The following RAD52 variants were observed in gnomAD, a reference collection of about 807,000 sequenced individuals.
RAD52 encodes DNA repair protein RAD52 homolog.
Under a neutral mutation model 55.5 loss-of-function variants are expected in RAD52, and 47 were observed. The ratio of observed to expected loss-of-function variants is 0.85; its 90% CI spans 0.67 to 1.08. RAD52 has a LOEUF of 1.08. Ranked by LOEUF, RAD52 falls within the 50% of genes least tolerant of loss-of-function variation. RAD52 has a pLI of 0.00. For synonymous variants in RAD52, 184 were observed against 198.9 expected (o/e 0.92, Z 0.63); for missense variants, 468 against 522.8 (o/e 0.90, Z 1.02).
intron 1 of RAD52, among the ~76,000 whole-genome samples, chr12:940,666 G>C (rs1280834301): frequency 1.3e-5 from 2 of 152,042 alleles, no homozygotes; most frequent in Non-Finnish European, 2.9e-5. Context: ...TGAAAACTGT[G>C]CTGTGAAAGA....
intron 1 of RAD52, among the ~76,000 whole-genome samples, chr12:945,213 T>C (rs1958145866): frequency 6.6e-6 from 1 of 151,842 alleles, no homozygotes; most frequent in East Asian, 2.0e-4. Context: ...TAGCTGGGCA[T>C]GGTGGCAGGT....
At chr12:988,425 TC>T (rs1432230342) in intron 1 of RAD52, among the ~76,000 whole-genome samples, 8 of 152,316 alleles carry the variant, frequency 5.3e-5, no homozygotes, top group African/African-American at 1.7e-4. Flanking sequence ...CACTTAGTTG[TC>T]TGTTCATACG....
At position 927,322 on chromosome 12, in the gene RAD52, C is replaced by T; in HGVS notation, c.349-59G>A. ...GAGAGCGGCAGGCGTGCCACAACTC[C>T]CCTGTTCCTCAAGCAGCAGGGTTCA... On this transcript the variant is annotated intron_variant, in intron 5 of 11. Transcript: ENST00000358495. The T allele has an allele frequency of 2.4e-6, 3 of 1,238,544 alleles. No individual in the cohort carries two copies. The South Asian group carries it at 3.6e-5, about 15-fold the overall frequency. The allele number at this position is 1,238,544 out of a possible 1,614,324, so 76.7% of individuals were successfully genotyped here.
intron 5 of RAD52, 96 bp from the exon 6 acceptor site, chr12:927,359 T>C: frequency 1.1e-6 from 1 of 915,660 alleles, no homozygotes; most frequent in Non-Finnish European, 1.8e-6. Context: ...AGCCGGACTC[T>C]CCCACCTGGC....
At position 916,772 on chromosome 12, in the gene RAD52, G is replaced by A; in HGVS notation, c.592C>T (p.Pro198Ser). Residue 198 changes from proline to serine, a missense_variant, in exon 8 of 12, where the codon CCG (proline) becomes TCG (serine). Transcript: ENST00000358495. ...TTGTATCTTGCCTCCTCCACAGACG[G>A]TTCAAGATCTTGTCTCTTCGCTTTA... ...LTKAKRQDLE[P>S]SVEEARYNSC... The A allele has an allele frequency of 1.9e-6, 3 of 1,613,862 alleles. No individual in the cohort carries two copies. The highest frequency in any genetic ancestry group is 2.5e-6 in the Non-Finnish European group (3 of 1,179,772).
intron 7 of RAD52, among the ~76,000 whole-genome samples, chr12:924,655 C>T (rs11571455): frequency 0.042 from 6,429 of 152,246 alleles, 341 homozygotes; most frequent in African/African-American, 0.12. Flanking sequence ...GACTCCAGGG[C>T]TGCCCCACCA....
rs756154011 is a variant in RAD52, at chr12:930,150, A to G, written c.187-6T>C. The G allele has an allele frequency of 6.3e-7, 1 of 1,599,606 alleles. No homozygotes were observed. The highest frequency in any genetic ancestry group is 1.7e-5 in the Admixed American group (1 of 58,454). On this transcript the variant is annotated splice_region_variant and splice_polypyrimidine_tract_variant and intron_variant, in intron 3 of 11. Transcript: ENST00000358495. ...TGACCCTCAATGTAGCACACCTAGA[A>G]AAACAAATGTTTTTAAGGAAAAGCT...
Position 987,581 on chromosome 12 carries a change from G to A in RAD52, c.-19+2228C>T, listed in dbSNP as rs534393401. On this transcript the variant is annotated intron_variant, in intron 1 of 11. Coordinates refer to the RAD52 transcript ENST00000430095. The stretch of plus-strand genomic sequence containing the variant: ...GTTTTCTTTTTTTTTTTTTTCCTGA[G>A]ACAGGATCTGGCTCTGTTGCCCAGG... Among the ~76,000 whole-genome samples the A allele has an allele frequency of 9.2e-5, 13 of 141,368 alleles. 1 individual carries two copies. Among genetic ancestry groups the A allele is most frequent in the African/African-American group, 3.4e-4 (13 of 37,928 alleles). 92.7% of individuals were successfully genotyped at this position (141,368 alleles called of 152,430 possible).
intron 7 of RAD52, among the ~76,000 whole-genome samples, chr12:920,597 A>G (rs1956673407): frequency 6.6e-6 from 1 of 152,144 alleles, no homozygotes; most frequent in Non-Finnish European, 1.5e-5. Context: ...CCAAGAAGAT[A>G]TAACAATTAT....
At chr12:970,852 AGC>A (rs1261529754) in intron 1 of RAD52, among the ~76,000 whole-genome samples, 1 of 152,154 alleles carries the variant, frequency 6.6e-6, no homozygotes, top group African/African-American at 2.4e-5. Context: ...CAATAACCAA[AGC>A]CAGGTACATC....
chr12:934,997 C>T (rs1260873289), intron 1 of RAD52, among the ~76,000 whole-genome samples: 1 of 151,642 alleles, frequency 6.6e-6, no homozygotes, highest in Non-Finnish European at 1.5e-5. Flanking sequence ...CGCCTGTAGT[C>T]CCAGCTACTC....
At chr12:979,907 C>T (rs148062578) in intron 1 of RAD52, among the ~76,000 whole-genome samples, 3,929 of 152,144 alleles carry the variant, frequency 0.026, 162 homozygotes, top group African/African-American at 0.086. Context: ...ATTAGCCAGG[C>T]GTGGTGGCAG....
intron 9 of RAD52, 131 bp downstream of exon 9, chr12:916,213 T>G (rs1956362467): frequency 5.4e-6 from 8 of 1,476,512 alleles, no homozygotes; most frequent in Middle Eastern, 2.4e-4. Flanking sequence ...CTCCTGCGTG[T>G]AGCTTGAGAG....
chr12:921,272 G>T (rs1473182236), intron 7 of RAD52, among the ~76,000 whole-genome samples: 1 of 152,074 alleles, frequency 6.6e-6, no homozygotes, highest in Non-Finnish European at 1.5e-5. Context: ...GCAAACATAA[G>T]TGAAAGAGAG....
chr12:917,599 T>C (rs1214756766), intron 7 of RAD52, among the ~76,000 whole-genome samples: 1 of 151,900 alleles, frequency 6.6e-6, no homozygotes, highest in Non-Finnish European at 1.5e-5. Context: ...GAAATGAGCT[T>C]TGGCCAGGCA....
upstream of RAD52, among the ~76,000 whole-genome samples, chr12:953,122 T>C (rs1958558281): frequency 6.7e-6 from 1 of 148,304 alleles, no homozygotes; most frequent in Non-Finnish European, 1.5e-5. Context: ...CTGGCCAGCA[T>C]GTTGAAACCC....
chr12:968,167 ATTAAGT>A lies in RAD52; in HGVS notation c.-19+21636_-19+21641del, dbSNP rs145183545. Among the ~76,000 whole-genome samples, 16 of 152,272 alleles carry A rather than the reference ATTAAGT, an allele frequency of 1.1e-4. No individual in the cohort carries two copies. In the East Asian group the frequency reaches 2.7e-3, roughly 26 times the overall value. On this transcript the variant is annotated intron_variant, in intron 1 of 11. Coordinates refer to the RAD52 transcript ENST00000430095. ...TACAAAACTGACAAAAATTGATAGTATTAAGTTTATCAGAACTCTGGAAATTAACCA... is the reference window on the plus strand; with the variant it reads ...TACAAAACTGACAAAAATTGATAGTATTATCAGAACTCTGGAAATTAACCA...
chr12:945,713 G>A (rs1239140769), intron 1 of RAD52, among the ~76,000 whole-genome samples: 1 of 150,202 alleles, frequency 6.7e-6, no homozygotes, highest in Non-Finnish European at 1.5e-5. Context: ...TGGGATTACA[G>A]GCATAAGCCA....
At chr12:980,762 C>T (rs952312626) in intron 1 of RAD52, among the ~76,000 whole-genome samples, 6 of 152,062 alleles carry the variant, frequency 3.9e-5, no homozygotes, top group African/African-American at 1.2e-4. Context: ...CATGCCACCG[C>T]GCCTGGGTGC....
Sources: gnomAD v4.1 joint callset for allele counts (sites outside exome capture counted in the v4.1 genomes callset) on GRCh38, gnomAD v4.1.1 for gene constraint, MANE v1.5 for transcripts, NCBI Gene and HGNC (gene_info 2026-07-23, HGNC 2026-07-21) for gene names.